STT3B: variants seen among roughly 807,000 people sequenced by gnomAD.
The protein encoded by STT3B is STT3 oligosaccharyltransferase complex catalytic subunit B, also known as dolichyl-diphosphooligosaccharide--protein glycosyltransferase subunit STT3B.
Under a neutral mutation model 96.8 loss-of-function variants are expected in STT3B, and 29 were observed. That is an observed-to-expected ratio of 0.30 (90% CI 0.22 to 0.41). The LOEUF (loss-of-function observed/expected upper bound fraction) is 0.41. Among genes scored for constraint, STT3B ranks in the 10% least tolerant of loss-of-function variants. The pLI is 1.00. For missense variants in STT3B, 640 were observed against 1,022.3 expected, an observed-to-expected ratio of 0.63 and a Z score of 5.10; for synonymous variants, 367 against 360.0, an observed-to-expected ratio of 1.02 and a Z score of -0.22.
intron 1 of STT3B, among the ~76,000 whole-genome samples, chr3:31,571,845 G>C (rs943978116): frequency 6.6e-6 from 1 of 150,564 alleles, no homozygotes; most frequent in Non-Finnish European, 1.5e-5. Flanking sequence ...ACTATGCTTT[G>C]TTTAGTAACA....
intron 2 of STT3B, among the ~76,000 whole-genome samples, chr3:31,579,352 A>C (rs146285886): frequency 0.012 from 1,784 of 151,658 alleles, 17 homozygotes; most frequent in Non-Finnish European, 0.017. Flanking sequence ...GACTTAAATA[A>C]TTTTGTGTGT....
chr3:31,535,008 A>G (rs775992120), intron 1 of STT3B, among the ~76,000 whole-genome samples: 4 of 152,360 alleles, frequency 2.6e-5, no homozygotes, highest in Non-Finnish European at 5.9e-5. Context: ...TTACTGGACA[A>G]TATGAAAAGA....
At chr3:31,601,911 A>G (rs1280195509) in intron 5 of STT3B, among the ~76,000 whole-genome samples, 5 of 152,220 alleles carry the variant, frequency 3.3e-5, no homozygotes, top group African/African-American at 1.2e-4. Flanking sequence ...ATAATTTGCT[A>G]AAGATCATGT....
At chr3:31,559,020 C>T (rs1032513343) in intron 1 of STT3B, among the ~76,000 whole-genome samples, 1 of 149,084 alleles carries the variant, frequency 6.7e-6, no homozygotes, top group East Asian at 2.0e-4. Flanking sequence ...TCTTTGTTTT[C>T]ATTTCTGATT....
In STT3B at chr3:31,579,919, C is replaced by T. The variant is rs770740758; in HGVS notation, c.534C>T (p.Ser178=). Residue 178 remains serine (S), a synonymous_variant, in exon 3 of 16, where the codon AGC becomes AGT. Coordinates refer to ENST00000295770, the MANE Select transcript of STT3B (RefSeq NM_178862.3). ...GTGTGTTCCTTGCACCAACTTTTAG[C>T]GGCCTTACATCTATATCTACTTTCC... is the stretch of plus-strand genomic sequence containing the variant. ...DVCVFLAPTF[S]GLTSISTFLL... 20 of 1,613,704 alleles carry T rather than the reference C, an allele frequency of 1.2e-5. No homozygotes were observed. The highest frequency in any genetic ancestry group is 6.7e-5 in the African/African-American group (5 of 74,850).
chr3:31,610,740 A>G (rs1699163337), intron 5 of STT3B, among the ~76,000 whole-genome samples: 1 of 152,226 alleles, frequency 6.6e-6, no homozygotes, highest in Admixed American at 6.5e-5. Context: ...TATCTGTCCC[A>G]GATGAGAGAT....
intron 5 of STT3B, among the ~76,000 whole-genome samples, chr3:31,609,715 CT>C (rs1361933358): frequency 6.6e-6 from 1 of 152,142 alleles, no homozygotes; most frequent in Non-Finnish European, 1.5e-5. Flanking sequence ...CTGCCTCAGC[CT>C]CCTGAGTGGC....
Position 31,585,347 on chromosome 3 carries a change from C to A in STT3B, c.711+5251C>A, listed in dbSNP as rs901940497. On this transcript the variant is annotated intron_variant, in intron 3 of 15. Coordinates refer to ENST00000295770, the MANE Select transcript of STT3B (RefSeq NM_178862.3). Reference sequence around the variant, plus strand: ...TTAAATCCCCACCCTGTGCCTGTTCCATCAACTATAATATGGAAGTAATAA... The same window carrying A: ...TTAAATCCCCACCCTGTGCCTGTTCAATCAACTATAATATGGAAGTAATAA... Among the ~76,000 whole-genome samples the A allele has an allele frequency of 3.3e-5, 5 of 152,146 alleles. No homozygotes were observed. In the East Asian group the frequency reaches 9.7e-4, roughly 29 times the overall value.
chr3:31,579,748 A>G, intron 2 of STT3B, 61 bp from the exon 3 acceptor site: 2 of 1,297,318 alleles, frequency 1.5e-6, no homozygotes, highest in Middle Eastern at 2.1e-4. Flanking sequence ...AAGAGTACAT[A>G]CATTAATATT....
chr3:31,594,665 C>G (rs1199415989), intron 3 of STT3B, among the ~76,000 whole-genome samples: 1 of 152,102 alleles, frequency 6.6e-6, no homozygotes, highest in Non-Finnish European at 1.5e-5. Context: ...CGTGATCCAC[C>G]TGACTCGGCC....
chr3:31,575,611 G>C (rs1698247112), intron 1 of STT3B, among the ~76,000 whole-genome samples: 1 of 152,020 alleles, frequency 6.6e-6, no homozygotes, highest in South Asian at 2.1e-4. Context: ...AGGATTTCCT[G>C]TTCATCTTGT....
chr3:31,619,742 T>G lies in STT3B; in HGVS notation c.1239T>G (p.Ser413=). The G allele has an allele frequency of 6.2e-7, 1 of 1,613,994 alleles. No individual in the cohort carries two copies. Among genetic ancestry groups the G allele is most frequent in the Non-Finnish European group, 8.5e-7 (1 of 1,179,934 alleles). The change falls in exon 9 of 16, where the codon TCT becomes TCG. Residue 413 remains serine, a synonymous_variant. Coordinates refer to ENST00000295770, the MANE Select transcript of STT3B (RefSeq NM_178862.3). ...VSEHQPTTWV[S]FFFDLHILVC... ...AGCATCAACCTACGACTTGGGTGTC[T>G]TTCTTCTTTGATCTACATATTCTTG... is the stretch of plus-strand genomic sequence containing the variant.
intron 1 of STT3B, among the ~76,000 whole-genome samples, chr3:31,575,727 G>A (rs1698249050): frequency 6.6e-6 from 1 of 152,020 alleles, no homozygotes; most frequent in East Asian, 1.9e-4. Flanking sequence ...GTAGGGGGAA[G>A]GGGATTGACC....
chr3:31,558,232 T>A (rs1299532365), intron 1 of STT3B, among the ~76,000 whole-genome samples: 1 of 152,212 alleles, frequency 6.6e-6, no homozygotes, highest in Admixed American at 6.5e-5. Context: ...ATAGGAATGG[T>A]GAAAGTAGAT....
Position 31,539,889 on chromosome 3 carries a change from G to A in STT3B, c.314+6577G>A, listed in dbSNP as rs535544238. On this transcript the variant is annotated intron_variant, in intron 1 of 15. Coordinates refer to ENST00000295770, the MANE Select transcript of STT3B (RefSeq NM_178862.3). Reference sequence around the variant, plus strand: ...AAGCCATGCCAGTTAAGGGAATTGGGAGATGGAGAGCTGAACTTTCAGAGT... The same window carrying A: ...AAGCCATGCCAGTTAAGGGAATTGGAAGATGGAGAGCTGAACTTTCAGAGT... 1.8e-4 allele frequency among the ~76,000 whole-genome samples: 28 copies of A among 152,254 alleles called. No homozygotes were observed. The South Asian group carries it at 2.5e-3, about 14-fold the overall frequency.
chr3:31,629,187 T>TTTA (rs1394616896), intron 13 of STT3B, 111 bp from the exon 14 acceptor site: 2 of 683,310 alleles, frequency 2.9e-6, no homozygotes, highest in Non-Finnish European at 5.1e-6. Context: ...TGAATATGGC[T>TTTA]TTATAAAGAT....
At chr3:31,577,964 C>T (rs552780360) in intron 2 of STT3B, among the ~76,000 whole-genome samples, 46 of 152,214 alleles carry the variant, frequency 3.0e-4, no homozygotes, top group African/African-American at 1.1e-3. Flanking sequence ...GATTTGGGAT[C>T]ATCCCTGTAA....
intron 1 of STT3B, among the ~76,000 whole-genome samples, chr3:31,548,389 G>A (rs1697468171): frequency 6.6e-6 from 1 of 151,850 alleles, no homozygotes; most frequent in Non-Finnish European, 1.5e-5. Flanking sequence ...TTTTTTCCCT[G>A]TTTTACAAAT....
intron 1 of STT3B, among the ~76,000 whole-genome samples, chr3:31,555,839 A>G (rs1243662771): frequency 6.6e-6 from 1 of 152,138 alleles, no homozygotes; most frequent in Non-Finnish European, 1.5e-5. Flanking sequence ...ATGTGTAATG[A>G]TCCAGTCAAG....
Sources: allele counts gnomAD v4.1 joint callset (sites outside exome capture counted in the v4.1 genomes callset), GRCh38; gene constraint gnomAD v4.1.1; transcripts MANE v1.5; gene names NCBI Gene and HGNC (gene_info 2026-07-23, HGNC 2026-07-21).